Variants in ABI1 observed in about 807,000 individuals in gnomAD.
ABI1 encodes the protein Abelson interactor 1.
A neutral mutation model predicts 54.6 loss-of-function variants in ABI1; 14 were observed. The observed-to-expected ratio is 0.26, with a 90% CI of 0.17 to 0.40. The LOEUF is 0.40. ABI1 is among the 10% of genes least tolerant of loss of function. The pLI, the probability that ABI1 is intolerant of heterozygous loss-of-function variation, is 1.00. For missense variants in ABI1, 443 were observed against 598.3 expected (o/e 0.74, Z 2.71); for synonymous variants, 194 against 209.3 (o/e 0.93, Z 0.63).
At chr10:26,821,570 G>A (rs767159230) in intron 2 of ABI1, among the ~76,000 whole-genome samples, 1 of 152,122 alleles carries the variant, frequency 6.6e-6, no homozygotes, top group Non-Finnish European at 1.5e-5. Flanking sequence ...GGCCAAGGTG[G>A]GTGGATCACT....
At chr10:26,750,905 CT>C (rs1473606811) in intron 10 of ABI1, among the ~76,000 whole-genome samples, 34 of 152,156 alleles carry the variant, frequency 2.2e-4, no homozygotes, top group African/African-American at 8.2e-4. Flanking sequence ...AAATACAATC[CT>C]GATAATTTCT....
chr10:26,781,280 C>T (rs912977358), intron 2 of ABI1, among the ~76,000 whole-genome samples: 6 of 152,262 alleles, frequency 3.9e-5, no homozygotes, highest in African/African-American at 1.4e-4. Context: ...CCCAACAAGC[C>T]TCTGTCATCA....
At chr10:26,813,512 G>A (rs186016631) in intron 2 of ABI1, among the ~76,000 whole-genome samples, 30 of 152,176 alleles carry the variant, frequency 2.0e-4, no homozygotes, top group African/African-American at 7.0e-4. Flanking sequence ...TATAATATTC[G>A]CAATACATAA....
intron 2 of ABI1, among the ~76,000 whole-genome samples, chr10:26,804,816 A>C (rs1374752519): frequency 1.3e-5 from 2 of 152,218 alleles, no homozygotes; most frequent in Admixed American, 6.5e-5. Context: ...ACACTGTCTT[A>C]TTCTTTCCAT....
intron 7 of ABI1, among the ~76,000 whole-genome samples, chr10:26,764,689 T>C (rs1316161878): frequency 6.6e-6 from 1 of 152,226 alleles, no homozygotes; most frequent in Non-Finnish European, 1.5e-5. Flanking sequence ...AAAAAATAGA[T>C]GGCTACATCT....
At chr10:26,773,212 A>ATTTTTTTTTTTTTTTTTTTTT (rs1342694391) in intron 3 of ABI1, among the ~76,000 whole-genome samples, 3 of 63,364 alleles carry the variant, frequency 4.7e-5, no homozygotes, top group African/African-American at 2.4e-4. Context: ...TCTAATGCTA[A>ATTTTTTTTTTTTTTTTTTTTT]TTCTTTTTTT....
intron 2 of ABI1, among the ~76,000 whole-genome samples, chr10:26,788,676 G>A (rs919352131): frequency 2.0e-5 from 3 of 152,074 alleles, no homozygotes; most frequent in Admixed American, 1.3e-4. Flanking sequence ...ACTTTGGGAC[G>A]CCGAGGTGGG....
rs551952978 is a variant in ABI1 at position 26,768,735 on chromosome 10, C to T, written c.719+117G>A. 34 of 752,904 alleles carry T rather than the reference C, an allele frequency of 4.5e-5. No homozygotes were observed. In the South Asian group the frequency reaches 7.7e-4, roughly 17 times the overall value. 46.6% of individuals were successfully genotyped at this position (752,904 alleles called of 1,614,324 possible). ...TATAATATTATTCCCCCAACTTTTA[C>T]ATTTTATATTAGCATTAGAGTGGCA... On this transcript the variant is annotated intron_variant, in intron 6 of 10. Transcript: ENST00000376140.
chr10:26,794,666 A>G (rs1158529917), intron 2 of ABI1, among the ~76,000 whole-genome samples: 2 of 151,864 alleles, frequency 1.3e-5, no homozygotes, highest in Non-Finnish European at 2.9e-5. Context: ...GAAGCAATAT[A>G]TAGAATGGAT....
intron 2 of ABI1, among the ~76,000 whole-genome samples, chr10:26,820,305 A>C (rs1046564307): frequency 6.6e-6 from 1 of 152,148 alleles, no homozygotes; most frequent in African/African-American, 2.4e-5. Flanking sequence ...TCTTAAATAT[A>C]TATGATTTTT....
Position 26,770,250 on chromosome 10 carries a change from T to G in ABI1, c.573A>C (p.Thr191=). The G allele has an allele frequency of 1.9e-6, 3 of 1,613,376 alleles. No homozygotes were observed. The highest frequency in any genetic ancestry group is 1.1e-5 in the South Asian group (1 of 91,060). ...PPSPPMSGRG[T]LGRNTPYKTL... The stretch of plus-strand genomic sequence containing the variant: ...AAATGTAGTTGAATTCTTACCCCAG[T>G]GTTCCCCGGCCTGACATGGGAGGAC... The change falls in exon 5 of 11, where the codon ACA becomes ACC. Residue 191 remains threonine, a synonymous_variant. Coordinates refer to ENST00000376140, the MANE Select transcript of ABI1 (RefSeq NM_001012750.3).
intron 6 of ABI1, 21 bp from the exon 7 acceptor site, chr10:26,765,339 TG>T: frequency 1.3e-6 from 2 of 1,488,020 alleles, no homozygotes; most frequent in Non-Finnish European, 1.8e-6. Flanking sequence ...AAAAAAAAAC[TG>T]TGAAAAACCA....
rs58739177 is a variant in ABI1 at position 26,773,215 on chromosome 10, C to CTTTTTTTTTTTT, written c.463-2138_463-2127dup. Among the ~76,000 whole-genome samples, 62 of 92,478 alleles carry CTTTTTTTTTTTT rather than the reference C, an allele frequency of 6.7e-4. 10 individuals carry two copies. Among genetic ancestry groups the CTTTTTTTTTTTT allele is most frequent in the Middle Eastern group, 0.012 (2 of 162 alleles). The allele number at this position is 92,478 out of a possible 152,430, so 60.7% of individuals were successfully genotyped here. A position where few individuals can be genotyped will look rare whatever the true frequency, so the allele number is the denominator to read the frequency against. ...AGGCACTAAATGTCTAATGCTAATT[C>CTTTTTTTTTTTT]TTTTTTTTTTTTTGCTGGCTCTGTT... On this transcript the variant is annotated intron_variant, in intron 3 of 10. Coordinates refer to ENST00000376140, the MANE Select transcript of ABI1 (RefSeq NM_001012750.3).
intron 1 of ABI1, among the ~76,000 whole-genome samples, chr10:26,825,992 T>C (rs1301446851): frequency 6.6e-6 from 1 of 152,188 alleles, no homozygotes; most frequent in African/African-American, 2.4e-5. Context: ...CCATGAGGGC[T>C]GGAATCAACT....
chr10:26,811,461 G>A (rs534762784), intron 2 of ABI1, among the ~76,000 whole-genome samples: 7 of 152,112 alleles, frequency 4.6e-5, no homozygotes, highest in Non-Finnish European at 8.8e-5. Flanking sequence ...TTCCAAAGAA[G>A]GGGAGTTAGG....
At position 26,768,922 on chromosome 10, in the gene ABI1, G is replaced by T. The variant is rs759651930; in HGVS notation, c.649C>A (p.Pro217Thr). 1 of 1,613,568 alleles carries T rather than the reference G, an allele frequency of 6.2e-7. No individual in the cohort carries two copies. Among genetic ancestry groups the T allele is most frequent in the Non-Finnish European group, 8.5e-7 (1 of 1,179,572 alleles). The part of the protein sequence containing the change: ...PTVPNDYMTS[P>T]ARLGSQHSPG... ...CTATGCTGACTTCCAAGCCTAGCAG[G>T]ACTGGTCATATAGTCATTAGGAACT... is the stretch of plus-strand genomic sequence containing the variant. Residue 217 changes from proline to threonine, a missense_variant, in exon 6 of 11, where the codon CCT becomes ACT. Coordinates refer to ENST00000376140, the MANE Select transcript of ABI1 (RefSeq NM_001012750.3).
intron 2 of ABI1, among the ~76,000 whole-genome samples, chr10:26,782,700 C>T (rs370047305): frequency 2.1e-5 from 3 of 143,542 alleles, no homozygotes; most frequent in East Asian, 2.1e-4. Context: ...TCCAGCCTGG[C>T]GACAGAGTGA....
intron 2 of ABI1, among the ~76,000 whole-genome samples, chr10:26,780,207 T>C (rs191413341): frequency 3.3e-5 from 5 of 152,178 alleles, no homozygotes; most frequent in South Asian, 2.1e-4. Context: ...CAAACAGAAA[T>C]GGATACCATC....
chr10:26,845,007 C>G (rs879478442), intron 1 of ABI1, among the ~76,000 whole-genome samples: 1 of 152,060 alleles, frequency 6.6e-6, no homozygotes, highest in Non-Finnish European at 1.5e-5. Flanking sequence ...TGTACAAAAA[C>G]TGGAAAGGCA....
Sources: allele counts gnomAD v4.1 joint callset (sites outside exome capture counted in the v4.1 genomes callset), GRCh38; gene constraint gnomAD v4.1.1; transcripts MANE v1.5; gene names NCBI Gene and HGNC (gene_info 2026-07-23, HGNC 2026-07-21).